MAML3: variants seen among roughly 807,000 people sequenced by gnomAD.
MAML3 encodes the protein mastermind-like protein 3.
A neutral mutation model predicts 101.9 loss-of-function variants in MAML3; 27 were observed. That is an observed-to-expected ratio of 0.27 (90% CI 0.20 to 0.37). The LOEUF (loss-of-function observed/expected upper bound fraction) is 0.37, where lower values mean the gene tolerates loss of function less well. MAML3 is among the 10% of genes least tolerant of loss of function. The pLI is 1.00. For missense variants in MAML3, 1,316 were observed against 1,444.9 expected (o/e 0.91, Z 1.45); for synonymous variants, 501 against 555.9 (o/e 0.90, Z 1.39).
chr4:139,758,213 A>G (rs913141731), intron 2 of MAML3, among the ~76,000 whole-genome samples: 1 of 152,104 alleles, frequency 6.6e-6, no homozygotes, highest in African/African-American at 2.4e-5. Flanking sequence ...AACTTTTAAA[A>G]TTTGATTTGG....
rs533445860 is a variant in MAML3 at position 139,840,921 on chromosome 4, G to T, written c.2079+48436C>A. On this transcript the variant is annotated intron_variant, in intron 2 of 4. Transcript: ENST00000509479. Reference sequence around the variant, plus strand: ...CACATGTGGCAAAAGTGAAGGCCTGGGCTCTGGCTCTTAATGCAACAAGCA... The same window carrying T: ...CACATGTGGCAAAAGTGAAGGCCTGTGCTCTGGCTCTTAATGCAACAAGCA... Among the ~76,000 whole-genome samples, 9 of 152,330 alleles carry T rather than the reference G, an allele frequency of 5.9e-5. No individual in the cohort carries two copies. In the East Asian group the frequency reaches 1.7e-3, roughly 29 times the overall value.
At chr4:140,010,120 A>C (rs996188045) in intron 1 of MAML3, among the ~76,000 whole-genome samples, 4 of 152,170 alleles carry the variant, frequency 2.6e-5, no homozygotes, top group African/African-American at 9.7e-5. Flanking sequence ...CTACAACATA[A>C]AGTGAAGGAA....
intron 1 of MAML3, among the ~76,000 whole-genome samples, chr4:140,145,878 CTTTTTTT>C (rs10625860): frequency 9.2e-6 from 1 of 108,476 alleles, no homozygotes; most frequent in African/African-American, 3.5e-5. Context: ...TTTCTTTTTT[CTTTTTTT>C]TTTTTGAGAA....
chr4:139,839,647 C>A (rs563789612), intron 2 of MAML3, among the ~76,000 whole-genome samples: 2 of 152,288 alleles, frequency 1.3e-5, no homozygotes, highest in African/African-American at 4.8e-5. Flanking sequence ...AGCAAGACAG[C>A]CAAGCCAGCC....
At chr4:139,875,385 G>A (rs1732093121) in intron 2 of MAML3, among the ~76,000 whole-genome samples, 1 of 152,140 alleles carries the variant, frequency 6.6e-6, no homozygotes, top group Non-Finnish European at 1.5e-5. Flanking sequence ...GTGTTTTGGG[G>A]AATTGTGTTT....
chr4:140,076,639 T>C (rs1727770557), intron 1 of MAML3, among the ~76,000 whole-genome samples: 1 of 152,212 alleles, frequency 6.6e-6, no homozygotes, highest in Non-Finnish European at 1.5e-5. Context: ...TCTTAGCTGC[T>C]GATTCTGAGC....
chr4:140,056,215 G>A lies in MAML3; in HGVS notation c.468+96645C>T, dbSNP rs1009056064. The stretch of plus-strand genomic sequence containing the variant: ...GGGAATTCCCTTTACCAAATTAACT[G>A]GTGTTCAGAGTAAGAAATCACCTCT... On this transcript the variant is annotated intron_variant, in intron 1 of 4. Coordinates refer to ENST00000509479, the MANE Select transcript of MAML3 (RefSeq NM_018717.5). Among the ~76,000 whole-genome samples, 25 of 152,116 alleles carry A rather than the reference G, an allele frequency of 1.6e-4. 1 individual carries two copies. The highest frequency in any genetic ancestry group is 2.8e-4 in the Non-Finnish European group (19 of 68,008).
At chr4:140,085,843 C>T (rs907654523) in intron 1 of MAML3, among the ~76,000 whole-genome samples, 9 of 152,188 alleles carry the variant, frequency 5.9e-5, no homozygotes, top group African/African-American at 1.9e-4. Context: ...ACCGTAGCTC[C>T]AGTTGCACTG....
At chr4:139,773,787 CTTCAA>C (rs1730040705) in intron 2 of MAML3, among the ~76,000 whole-genome samples, 1 of 152,226 alleles carries the variant, frequency 6.6e-6, no homozygotes, top group Non-Finnish European at 1.5e-5. Flanking sequence ...ACCGCCCACT[CTTCAA>C]TTCATGTTGT....
At chr4:140,146,444 A>C (rs1044970962) in intron 1 of MAML3, among the ~76,000 whole-genome samples, 2 of 151,750 alleles carry the variant, frequency 1.3e-5, no homozygotes, top group African/African-American at 4.8e-5. Context: ...CAGGCCCTCA[A>C]CTCCATTTTC....
intron 1 of MAML3, among the ~76,000 whole-genome samples, chr4:139,942,221 T>C (rs895822517): frequency 6.8e-6 from 1 of 147,588 alleles, no homozygotes; most frequent in Non-Finnish European, 1.5e-5. Context: ...AAGGAAGACA[T>C]CCTTTAATAC....
At chr4:140,122,652 CGTAGTGGCGGGCGCCT>C (rs1476984111) in intron 1 of MAML3, among the ~76,000 whole-genome samples, 1 of 151,584 alleles carries the variant, frequency 6.6e-6, no homozygotes, top group Non-Finnish European at 1.5e-5. Flanking sequence ...ATTAGCCGGG[CGTAGTGGCGGGCGCCT>C]GTAGTCCCAG....
At position 140,092,062 on chromosome 4, in the gene MAML3, T is replaced by TTA. The variant is rs1167924085; in HGVS notation, c.468+60796_468+60797dup. On this transcript the variant is annotated intron_variant, in intron 1 of 4. Coordinates refer to ENST00000509479, the MANE Select transcript of MAML3 (RefSeq NM_018717.5). Reference sequence around the variant, plus strand: ...ATAGATCATTTTTGAGATAAAAACTTTATATATATATACGTATATATATAC... The same window carrying TTA: ...ATAGATCATTTTTGAGATAAAAACTTTATATATATATATACGTATATATATAC... 2.8e-3 allele frequency among the ~76,000 whole-genome samples: 385 copies of TTA among 139,246 alleles called. 1 individual carries two copies. Among genetic ancestry groups the TTA allele is most frequent in the African/African-American group, 9.0e-3 (339 of 37,706 alleles). The allele number at this position is 139,246 out of a possible 152,430, so 91.4% of individuals were successfully genotyped here. A position where few individuals can be genotyped will look rare whatever the true frequency, so the allele number is the denominator to read the frequency against.
At position 139,735,911 on chromosome 4, in the gene MAML3, G is replaced by A. The variant is rs1391963736; in HGVS notation, c.2080-5244C>T. On this transcript the variant is annotated intron_variant, in intron 2 of 4. Transcript: ENST00000509479. This position sits in a 1 kb window ranked among gnomAD's most constrained non-coding sequence, Gnocchi z 5.8. ...GGGGCCCTGGAGGTCCTCGGCCCGC[G>A]CGCGCCGCTCGGGAGCCCGCGAGGC... Among the ~76,000 whole-genome samples the A allele has an allele frequency of 6.6e-6, 1 of 151,820 alleles. No homozygotes were observed. Among genetic ancestry groups the A allele is most frequent in the African/African-American group, 2.4e-5 (1 of 41,356 alleles).
intron 2 of MAML3, among the ~76,000 whole-genome samples, chr4:139,877,349 C>G (rs73857403): frequency 0.013 from 1,901 of 151,782 alleles, 49 homozygotes; most frequent in African/African-American, 0.043. Flanking sequence ...CCCCACCCCC[C>G]GAAGAGTATT....
intron 1 of MAML3, among the ~76,000 whole-genome samples, chr4:140,046,410 G>A (rs183273692): frequency 6.6e-6 from 1 of 152,254 alleles, no homozygotes; most frequent in East Asian, 1.9e-4. Context: ...AGATTTGGGG[G>A]TTCTTTGTTA....
chr4:140,050,709 A>C lies in MAML3; in HGVS notation c.468+102151T>G, dbSNP rs150453843. Among the ~76,000 whole-genome samples the C allele has an allele frequency of 5.8e-3, 885 of 152,308 alleles. 9 individuals are homozygous for C. The highest frequency in any genetic ancestry group is 0.02 in the African/African-American group (844 of 41,562). ...CTTCTATAGGCAGGAGTCCTCACCC[A>C]TGGGAATACAACACGCTGTCAATCT... On this transcript the variant is annotated intron_variant, in intron 1 of 4. Coordinates refer to ENST00000509479, the MANE Select transcript of MAML3 (RefSeq NM_018717.5).
chr4:139,844,026 A>G (rs1200676865), intron 2 of MAML3, among the ~76,000 whole-genome samples: 1 of 152,260 alleles, frequency 6.6e-6, no homozygotes, highest in Admixed American at 6.5e-5. Flanking sequence ...ATTCTGAATC[A>G]GCTAATTAAT....
intron 1 of MAML3, among the ~76,000 whole-genome samples, chr4:139,928,814 T>C (rs1411896136): frequency 6.6e-6 from 1 of 151,788 alleles, no homozygotes; most frequent in Non-Finnish European, 1.5e-5. Flanking sequence ...AGTAGAGAAG[T>C]GACCTGTCAG....
Sources: allele counts gnomAD v4.1 joint callset (sites outside exome capture counted in the v4.1 genomes callset), GRCh38; gene constraint gnomAD v4.1.1; non-coding constraint Gnocchi (gnomAD v3.1); transcripts MANE v1.5; gene names NCBI Gene and HGNC (gene_info 2026-07-23, HGNC 2026-07-21).